CDKAL1: variants seen among roughly 807,000 people sequenced by gnomAD.
The protein encoded by CDKAL1 is CDKAL1 threonylcarbamoyladenosine tRNA methylthiotransferase.
In CDKAL1, 32 loss-of-function variants were observed where a neutral mutation model predicts 68.2. That is an observed-to-expected ratio of 0.47 (90% CI 0.35 to 0.63). The LOEUF (loss-of-function observed/expected upper bound fraction) is 0.63. Among genes scored for constraint, CDKAL1 ranks in the 30% least tolerant of loss-of-function variants. The pLI is 0.00. For missense variants in CDKAL1, 606 were observed against 696.7 expected, an observed-to-expected ratio of 0.87 and a Z score of 1.47; for synonymous variants, 234 against 244.3, an observed-to-expected ratio of 0.96 and a Z score of 0.39.
chr6:21,054,929 C>T (rs1038904583), intron 11 of CDKAL1, among the ~76,000 whole-genome samples: 1 of 151,606 alleles, frequency 6.6e-6, no homozygotes, highest in African/African-American at 2.4e-5. Flanking sequence ...GTCTTTTAAA[C>T]ATATATGCCT....
Position 21,208,952 on chromosome 6 carries a change from C to G in CDKAL1, c.1548+7678C>G, listed in dbSNP as rs570386868. Among the ~76,000 whole-genome samples, 30 of 152,286 alleles carry G rather than the reference C, an allele frequency of 2.0e-4. 1 individual carries two copies. The highest frequency in any genetic ancestry group is 7.0e-4 in the African/African-American group (29 of 41,546). On this transcript the variant is annotated intron_variant, in intron 15 of 15. Coordinates refer to ENST00000274695, the MANE Select transcript of CDKAL1 (RefSeq NM_017774.3). ...GAGCAAGCTGATGCTAAACAATTAGCTTTCATTTCACTTGCATCACTAATT... is the reference window on the plus strand; with the variant it reads ...GAGCAAGCTGATGCTAAACAATTAGGTTTCATTTCACTTGCATCACTAATT...
chr6:21,003,891 C>T (rs992957266), intron 11 of CDKAL1, among the ~76,000 whole-genome samples: 3 of 152,166 alleles, frequency 2.0e-5, no homozygotes, highest in Admixed American at 6.5e-5. Context: ...TTGGTGCTTT[C>T]TTTTTCTGTT....
chr6:20,934,977 C>T (rs1015766219), intron 9 of CDKAL1, among the ~76,000 whole-genome samples: 1 of 148,674 alleles, frequency 6.7e-6, no homozygotes, highest in African/African-American at 2.5e-5. Context: ...CTCACTGCAA[C>T]CTCTGGCTAC....
At chr6:20,547,559 T>C (rs1763655563) in intron 3 of CDKAL1, among the ~76,000 whole-genome samples, 1 of 152,216 alleles carries the variant, frequency 6.6e-6, no homozygotes, top group South Asian at 2.1e-4. Context: ...TATATGGTTT[T>C]AATAAGCCTA....
intron 15 of CDKAL1, among the ~76,000 whole-genome samples, chr6:21,214,330 CAT>C (rs1270220565): frequency 1.3e-5 from 2 of 151,026 alleles, no homozygotes; most frequent in Non-Finnish European, 2.9e-5. Context: ...TATATATATA[CAT>C]ACCATATAAA....
At chr6:21,134,641 A>G (rs1484067102) in intron 13 of CDKAL1, among the ~76,000 whole-genome samples, 3 of 152,186 alleles carry the variant, frequency 2.0e-5, no homozygotes, top group Non-Finnish European at 4.4e-5. Flanking sequence ...AACAAGGCAA[A>G]TGATCATAGT....
chr6:21,091,857 C>CTTTT (rs70990099), intron 12 of CDKAL1, among the ~76,000 whole-genome samples: 4 of 70,538 alleles, frequency 5.7e-5, no homozygotes, highest in Non-Finnish European at 7.8e-5. Flanking sequence ...TCAGAACTTT[C>CTTTT]TTTTTTTTTT....
intron 9 of CDKAL1, among the ~76,000 whole-genome samples, chr6:20,903,382 C>T (rs1398229117): frequency 6.6e-6 from 1 of 152,186 alleles, no homozygotes. Context: ...TTACTTTACT[C>T]AGCCTTAGTT....
chr6:20,701,263 T>G (rs981769599), intron 5 of CDKAL1, among the ~76,000 whole-genome samples: 3 of 151,168 alleles, frequency 2.0e-5, no homozygotes, highest in Admixed American at 6.6e-5. Context: ...GAAGTTGTTT[T>G]TTTTTTTTTT....
chr6:21,171,317 A>G (rs1297406980), intron 13 of CDKAL1, among the ~76,000 whole-genome samples: 1 of 152,002 alleles, frequency 6.6e-6, no homozygotes, highest in East Asian at 1.9e-4. Context: ...GGTTCAAAGG[A>G]TTCTCCTGCC....
chr6:20,676,373 A>G (rs192187132), intron 5 of CDKAL1, among the ~76,000 whole-genome samples: 1 of 152,266 alleles, frequency 6.6e-6, no homozygotes, highest in African/African-American at 2.4e-5. Context: ...CAGGTGTACC[A>G]TTTTAAAAAA....
chr6:20,837,674 C>T (rs1383224749), intron 8 of CDKAL1, among the ~76,000 whole-genome samples: 10 of 151,656 alleles, frequency 6.6e-5, no homozygotes, highest in East Asian at 1.9e-4. Context: ...TAACAGCAGA[C>T]GAGTGTTAAC....
At chr6:20,712,869 T>A (rs1352299970) in intron 5 of CDKAL1, among the ~76,000 whole-genome samples, 2 of 152,134 alleles carry the variant, frequency 1.3e-5, no homozygotes, top group Non-Finnish European at 2.9e-5. Context: ...CTTGAACTCC[T>A]GACCTCGTGA....
rs1038256252 is a variant in CDKAL1 at position 20,932,065 on chromosome 6, T to C, written c.743-23354T>C. ...TTTCAACCGTAGTGGTAAATCTATATATCATGGTGACACATTAATCATTTC... is the reference window on the plus strand; with the variant it reads ...TTTCAACCGTAGTGGTAAATCTATACATCATGGTGACACATTAATCATTTC... On this transcript the variant is annotated intron_variant, in intron 9 of 15. Coordinates refer to ENST00000274695, the MANE Select transcript of CDKAL1 (RefSeq NM_017774.3). 2.0e-5 allele frequency among the ~76,000 whole-genome samples: 3 copies of C among 152,194 alleles called. No individual in the cohort carries two copies. The East Asian group carries it at 5.8e-4, about 29-fold the overall frequency.
chr6:20,822,603 C>A (rs192494505), intron 8 of CDKAL1, among the ~76,000 whole-genome samples: 4 of 152,104 alleles, frequency 2.6e-5, no homozygotes, highest in African/African-American at 4.8e-5. Flanking sequence ...TCCTGTAATC[C>A]GCATAATCCC....
chr6:20,623,724 C>G (rs1767298635), intron 4 of CDKAL1, among the ~76,000 whole-genome samples: 1 of 151,988 alleles, frequency 6.6e-6, no homozygotes, highest in Non-Finnish European at 1.5e-5. Context: ...TGCAGTAGAC[C>G]TTTATTTTAT....
At chr6:21,225,902 A>T (rs1779722364) in intron 15 of CDKAL1, among the ~76,000 whole-genome samples, 1 of 152,260 alleles carries the variant, frequency 6.6e-6, no homozygotes, top group Non-Finnish European at 1.5e-5. Flanking sequence ...CTGAATTGAC[A>T]TTTAAATGTT....
intron 9 of CDKAL1, among the ~76,000 whole-genome samples, chr6:20,868,063 C>G (rs72657617): frequency 2.4e-4 from 2 of 8,416 alleles, no homozygotes; most frequent in Non-Finnish European, 1.5e-3. Flanking sequence ...GTATAATAAA[C>G]AAATCTTATA....
chr6:20,945,095 C>CAG (rs1221568713), intron 9 of CDKAL1, among the ~76,000 whole-genome samples: 3 of 151,778 alleles, frequency 2.0e-5, no homozygotes, highest in Non-Finnish European at 4.4e-5. Flanking sequence ...CACACACACA[C>CAG]AACCTTTTTA....
Sources: gnomAD v4.1 joint callset for allele counts (sites outside exome capture counted in the v4.1 genomes callset) on GRCh38, gnomAD v4.1.1 for gene constraint, MANE v1.5 for transcripts, NCBI Gene and HGNC (gene_info 2026-07-23, HGNC 2026-07-21) for gene names.